ZFPM2: variants seen among roughly 807,000 people sequenced by gnomAD.
ZFPM2 encodes the protein zinc finger protein ZFPM2.
In ZFPM2, 20 loss-of-function variants were observed where a neutral mutation model predicts 98.6. The observed-to-expected ratio is 0.20, with a 90% CI of 0.14 to 0.29. The LOEUF (loss-of-function observed/expected upper bound fraction) is 0.29. ZFPM2 is among the 10% of genes least tolerant of loss of function. The pLI is 1.00. For synonymous variants in ZFPM2, 518 were observed against 502.7 expected (o/e 1.03, Z -0.41); for missense variants, 1,310 against 1,388.6 (o/e 0.94, Z 0.90).
intron 3 of ZFPM2, among the ~76,000 whole-genome samples, chr8:105,556,821 C>A (rs1248784709): frequency 1.3e-5 from 2 of 150,234 alleles, no homozygotes; most frequent in African/African-American, 2.4e-5. Flanking sequence ...CTCCCATATT[C>A]AAGCAGTTAT....
chr8:105,360,376 T>A (rs1812833072), intron 1 of ZFPM2, among the ~76,000 whole-genome samples: 1 of 152,188 alleles, frequency 6.6e-6, no homozygotes, highest in Non-Finnish European at 1.5e-5. Flanking sequence ...AATACATGAT[T>A]GAGGAAACAG....
chr8:105,602,416 A>G (rs531977461), intron 4 of ZFPM2, among the ~76,000 whole-genome samples: 31 of 152,264 alleles, frequency 2.0e-4, no homozygotes, highest in African/African-American at 6.7e-4. Flanking sequence ...TAATAGAAAT[A>G]TTTAAATTTG....
chr8:105,502,323 A>T (rs1297092053), intron 3 of ZFPM2, among the ~76,000 whole-genome samples: 1 of 152,180 alleles, frequency 6.6e-6, no homozygotes, highest in Admixed American at 6.5e-5. Flanking sequence ...AAGAATATCA[A>T]TTAAAAAACA....
At chr8:105,372,738 G>C (rs1285741611) in intron 1 of ZFPM2, among the ~76,000 whole-genome samples, 1 of 152,052 alleles carries the variant, frequency 6.6e-6, no homozygotes, top group Admixed American at 6.5e-5. Context: ...ACCAGAATAT[G>C]TTTGAGTTAT....
At chr8:105,671,361 G>T (rs551531267) in intron 5 of ZFPM2, among the ~76,000 whole-genome samples, 2 of 151,532 alleles carry the variant, frequency 1.3e-5, no homozygotes, top group African/African-American at 2.4e-5. Flanking sequence ...TTTTTATTTT[G>T]TATTTCCTCT....
At chr8:105,719,676 T>C (rs2130992887) in intron 5 of ZFPM2, among the ~76,000 whole-genome samples, 1 of 152,028 alleles carries the variant, frequency 6.6e-6, no homozygotes, top group Non-Finnish European at 1.5e-5. Flanking sequence ...ATCTAATAAG[T>C]AGTAAAACCC....
Position 105,456,153 on chromosome 8 carries a change from T to G in ZFPM2, c.301+11772T>G, listed in dbSNP as rs1318010697. Among the ~76,000 whole-genome samples, 17 of 110,478 alleles carry G rather than the reference T, an allele frequency of 1.5e-4. No homozygotes were observed. The East Asian group carries it at 5.0e-3, about 33-fold the overall frequency. 72.5% of individuals were successfully genotyped at this position (110,478 alleles called of 152,430 possible). On this transcript the variant is annotated intron_variant, in intron 3 of 7. Transcript: ENST00000407775. ...GGGGAAAACCAGGAAAATGTTTTTTTTTGTTTGTTTGTTTGTTTTTTTTTT... is the reference window on the plus strand; with the variant it reads ...GGGGAAAACCAGGAAAATGTTTTTTGTTGTTTGTTTGTTTGTTTTTTTTTT...
At chr8:105,772,181 C>A (rs1465915493) in intron 5 of ZFPM2, among the ~76,000 whole-genome samples, 1 of 152,094 alleles carries the variant, frequency 6.6e-6, no homozygotes, top group Admixed American at 6.6e-5. Context: ...CCCAGAACTT[C>A]CACTTAAGAA....
chr8:105,498,027 CAAAAAAAA>C lies in ZFPM2; in HGVS notation c.301+53658_301+53665del, dbSNP rs1195802124. 6.5e-5 allele frequency among the ~76,000 whole-genome samples: 4 copies of C among 61,910 alleles called. No individual in the cohort carries two copies. The South Asian group carries it at 1.6e-3, about 25-fold the overall frequency. 40.6% of individuals were successfully genotyped at this position (61,910 alleles called of 152,430 possible). A position where few individuals can be genotyped will look rare whatever the true frequency, so the allele number is the denominator to read the frequency against. On this transcript the variant is annotated intron_variant, in intron 3 of 7. Coordinates refer to ENST00000407775, the MANE Select transcript of ZFPM2 (RefSeq NM_012082.4). The stretch of plus-strand genomic sequence containing the variant: ...ATAGGGAGGCCCTCCCCGTCTCTAC[CAAAAAAAA>C]AAAAAAAAAAACAAAATCCAGGTGT...
At chr8:105,350,838 G>A (rs1812626884) in intron 1 of ZFPM2, among the ~76,000 whole-genome samples, 1 of 152,026 alleles carries the variant, frequency 6.6e-6, no homozygotes, top group African/African-American at 2.4e-5. Flanking sequence ...CAGTATCTGT[G>A]GAGAATTGGT....
At chr8:105,525,061 C>T (rs981225653) in intron 3 of ZFPM2, among the ~76,000 whole-genome samples, 2 of 152,168 alleles carry the variant, frequency 1.3e-5, no homozygotes, top group African/African-American at 4.8e-5. Context: ...GCAATTGACA[C>T]CAAATGTATC....
At position 105,419,097 on chromosome 8, in the gene ZFPM2, G is replaced by A. The variant is rs562605550; in HGVS notation, c.41-47G>A. The A allele has an allele frequency of 1.2e-5, 19 of 1,583,118 alleles. 1 individual carries two copies. The Admixed American group carries it at 3.5e-4, about 29-fold the overall frequency. ...CTCTATTTAAGGATTTTATTTCACTGTCTTCCTTGCATATTTTTGGTACAG... is the reference window on the plus strand; with the variant it reads ...CTCTATTTAAGGATTTTATTTCACTATCTTCCTTGCATATTTTTGGTACAG... On this transcript the variant is annotated intron_variant, in intron 1 of 7. Coordinates refer to ENST00000407775, the MANE Select transcript of ZFPM2 (RefSeq NM_012082.4).
intron 4 of ZFPM2, among the ~76,000 whole-genome samples, chr8:105,576,690 T>C (rs1815475374): frequency 6.6e-6 from 1 of 152,216 alleles, no homozygotes; most frequent in Non-Finnish European, 1.5e-5. Context: ...TGCTCCTACT[T>C]TGTAAAGAGC....
intron 4 of ZFPM2, among the ~76,000 whole-genome samples, chr8:105,599,351 C>A (rs1283113121): frequency 6.7e-6 from 1 of 149,028 alleles, no homozygotes; most frequent in African/African-American, 2.5e-5. Flanking sequence ...AACCTCCCAT[C>A]TGCTTGTCAG....
At chr8:105,769,619 T>A (rs1055364663) in intron 5 of ZFPM2, among the ~76,000 whole-genome samples, 6 of 152,086 alleles carry the variant, frequency 3.9e-5, no homozygotes, top group African/African-American at 1.4e-4. Context: ...AAGACCACAA[T>A]CATATAATGA....
intron 5 of ZFPM2, among the ~76,000 whole-genome samples, chr8:105,706,143 T>G (rs1171514950): frequency 6.6e-6 from 1 of 152,008 alleles, no homozygotes; most frequent in Non-Finnish European, 1.5e-5. Flanking sequence ...ACCCAGATAG[T>G]AAGAGAAAGA....
intron 1 of ZFPM2, chr8:105,414,774 T>C (rs1811648637): frequency 6.6e-6 from 1 of 152,078 alleles, no homozygotes; most frequent in Non-Finnish European, 1.5e-5. Flanking sequence ...ACCATGCAAA[T>C]CCACTTTTTA....
chr8:105,755,834 C>T (rs1334638807), intron 5 of ZFPM2, among the ~76,000 whole-genome samples: 2 of 151,804 alleles, frequency 1.3e-5, no homozygotes, highest in Admixed American at 6.6e-5. Context: ...ATTGTGTTTC[C>T]CCGAGGTAAT....
chr8:105,643,991 C>T (rs765104959), intron 5 of ZFPM2, among the ~76,000 whole-genome samples: 9 of 152,146 alleles, frequency 5.9e-5, no homozygotes, highest in Admixed American at 1.3e-4. Flanking sequence ...CACGTTATAA[C>T]GTCAGAGTTG....
Sources: allele counts gnomAD v4.1 joint callset (sites outside exome capture counted in the v4.1 genomes callset), GRCh38; gene constraint gnomAD v4.1.1; transcripts MANE v1.5; gene names NCBI Gene and HGNC (gene_info 2026-07-23, HGNC 2026-07-21).